The following CLMP variants were observed in gnomAD, a reference collection of about 807,000 sequenced individuals.
CLMP encodes the protein CXADR like cell adhesion molecule.
Under a neutral mutation model 45.2 loss-of-function variants are expected in CLMP, and 27 were observed. The ratio of observed to expected loss-of-function variants is 0.60; its 90% confidence interval spans 0.44 to 0.82. The LOEUF is 0.82. CLMP is among the 40% of genes least tolerant of loss of function. The pLI, the probability that CLMP is intolerant of heterozygous loss-of-function variation, is 0.00. For missense variants in CLMP, 403 were observed against 448.4 expected (o/e 0.90, Z 0.91); for synonymous variants, 167 against 171.4 (o/e 0.97, Z 0.20).
At chr11:123,132,988 C>G (rs541009677) in intron 1 of CLMP, among the ~76,000 whole-genome samples, 4 of 152,022 alleles carry the variant, frequency 2.6e-5, no homozygotes, top group African/African-American at 9.6e-5. Context: ...AGGCTGGTCT[C>G]AAATTACTGA....
intron 2 of CLMP, among the ~76,000 whole-genome samples, chr11:123,090,768 C>T (rs1156936021): frequency 2.0e-5 from 3 of 152,124 alleles, no homozygotes; most frequent in South Asian, 2.1e-4. Context: ...TGCATTTTCT[C>T]ATGGCCCAAT....
intron 1 of CLMP, among the ~76,000 whole-genome samples, chr11:123,169,515 CAAG>C (rs1240183369): frequency 6.6e-6 from 1 of 152,152 alleles, no homozygotes; most frequent in African/African-American, 2.4e-5. Context: ...TTCCAGTCTC[CAAG>C]AAGGACAGTG....
At chr11:123,183,639 C>A (rs996868846) in intron 1 of CLMP, among the ~76,000 whole-genome samples, 1 of 152,136 alleles carries the variant, frequency 6.6e-6, no homozygotes, top group African/African-American at 2.4e-5. Context: ...ATTCCATGTC[C>A]TGAGGAACCC....
At chr11:123,088,702 T>C (rs538135301) in intron 2 of CLMP, among the ~76,000 whole-genome samples, 1 of 152,286 alleles carries the variant, frequency 6.6e-6, no homozygotes, top group South Asian at 2.1e-4. Flanking sequence ...CTCCACTCAT[T>C]GCAACCTCCG....
intron 2 of CLMP, among the ~76,000 whole-genome samples, chr11:123,095,989 T>C (rs1012209077): frequency 1.3e-5 from 2 of 152,152 alleles, no homozygotes; most frequent in African/African-American, 4.8e-5. Flanking sequence ...TACAGGAACA[T>C]GGGCTGTAAT....
chr11:123,176,086 T>C (rs1203617598), intron 1 of CLMP, among the ~76,000 whole-genome samples: 2 of 152,224 alleles, frequency 1.3e-5, no homozygotes, highest in East Asian at 3.8e-4. Context: ...GAATAGTGTC[T>C]AGTGTACATT....
chr11:123,084,275 TA>T (rs1865838503), intron 3 of CLMP, among the ~76,000 whole-genome samples: 1 of 152,206 alleles, frequency 6.6e-6, no homozygotes, highest in South Asian at 2.1e-4. Context: ...ACTTAAATAT[TA>T]GAGAATATGT....
At chr11:123,153,830 A>G (rs1221933489) in intron 1 of CLMP, among the ~76,000 whole-genome samples, 1 of 146,298 alleles carries the variant, frequency 6.8e-6, no homozygotes, top group Admixed American at 6.9e-5. Context: ...CTACAGGTGC[A>G]TGCCACCATG....
chr11:123,163,779 C>T (rs1172722723), intron 1 of CLMP, among the ~76,000 whole-genome samples: 4 of 152,090 alleles, frequency 2.6e-5, no homozygotes, highest in Non-Finnish European at 4.4e-5. Context: ...AATTAATTTG[C>T]GTGGAGGCTG....
intron 1 of CLMP, among the ~76,000 whole-genome samples, chr11:123,137,027 C>T (rs1330623042): frequency 6.6e-6 from 1 of 152,044 alleles, no homozygotes; most frequent in African/African-American, 2.4e-5. Flanking sequence ...CCTCCCATGT[C>T]CAGTTTCCCG....
chr11:123,095,372 T>A (rs1159290567), intron 2 of CLMP, among the ~76,000 whole-genome samples: 1 of 151,934 alleles, frequency 6.6e-6, no homozygotes, highest in African/African-American at 2.4e-5. Flanking sequence ...AGCTCCAAGC[T>A]ATTCTCCTGC....
At chr11:123,117,673 C>T (rs147106189) in intron 1 of CLMP, among the ~76,000 whole-genome samples, 2 of 151,928 alleles carry the variant, frequency 1.3e-5, no homozygotes, top group African/African-American at 2.4e-5. Flanking sequence ...GTGATCCACT[C>T]GCCTTGGCCT....
At chr11:123,123,416 C>T (rs949228383) in intron 1 of CLMP, among the ~76,000 whole-genome samples, 1 of 151,898 alleles carries the variant, frequency 6.6e-6, no homozygotes, top group Non-Finnish European at 1.5e-5. Context: ...TGTGCCACCA[C>T]ACTGGCTAAT....
At chr11:123,146,065 C>T (rs921827396) in intron 1 of CLMP, among the ~76,000 whole-genome samples, 4 of 152,164 alleles carry the variant, frequency 2.6e-5, no homozygotes, top group African/African-American at 9.7e-5. Context: ...CTGTTAGCAT[C>T]CCTATTTTAT....
At chr11:123,149,602 G>T (rs1201861810) in intron 1 of CLMP, among the ~76,000 whole-genome samples, 1 of 152,106 alleles carries the variant, frequency 6.6e-6, no homozygotes, top group Non-Finnish European at 1.5e-5. Context: ...GCCTGGGTTT[G>T]GTCAATCTTG....
intron 2 of CLMP, among the ~76,000 whole-genome samples, chr11:123,092,845 A>T (rs1292591935): frequency 7.7e-6 from 1 of 129,710 alleles, no homozygotes; most frequent in Admixed American, 7.8e-5. Flanking sequence ...TGATCTGCCC[A>T]CCTCGGCCTC....
rs186862800 is a variant in CLMP, at chr11:123,121,337, G to A, written c.29-23385C>T. Among the ~76,000 whole-genome samples, 10 of 151,970 alleles carry A rather than the reference G, an allele frequency of 6.6e-5. No homozygotes were observed. The East Asian group carries it at 1.2e-3, about 18-fold the overall frequency. ...TTTTGAGATGGTGTCTCGTTCTGTC[G>A]TCCAGGCTAGAGTGCAGTGGCACAA... On this transcript the variant is annotated intron_variant, in intron 1 of 6. Coordinates refer to ENST00000448775, the MANE Select transcript of CLMP (RefSeq NM_024769.5).
intron 1 of CLMP, among the ~76,000 whole-genome samples, chr11:123,124,565 C>G (rs760620564): frequency 2.6e-5 from 4 of 152,212 alleles, no homozygotes; most frequent in Non-Finnish European, 4.4e-5. Context: ...CTGCAATAAT[C>G]TAACAACCAT....
At chr11:123,117,087 A>G (rs1009631314) in intron 1 of CLMP, among the ~76,000 whole-genome samples, 1 of 152,158 alleles carries the variant, frequency 6.6e-6, no homozygotes, top group Non-Finnish European at 1.5e-5. Flanking sequence ...CATCTCTACT[A>G]AAAATACAAA....
Sources: gnomAD v4.1 joint callset for allele counts (sites outside exome capture counted in the v4.1 genomes callset) on GRCh38, gnomAD v4.1.1 for gene constraint, MANE v1.5 for transcripts, NCBI Gene and HGNC (gene_info 2026-07-23, HGNC 2026-07-21) for gene names.